The following CYRIB variants were observed in gnomAD, a reference collection of about 807,000 sequenced individuals.
CYRIB encodes the protein CYFIP related Rac1 interactor B.
Under a neutral mutation model 44.2 loss-of-function variants are expected in CYRIB, and 8 were observed. The observed-to-expected ratio is 0.18, with a 90% CI of 0.11 to 0.33. CYRIB has a LOEUF of 0.33. CYRIB is among the 10% of genes least tolerant of loss of function. The probability of loss-of-function intolerance (pLI) is 1.00; values close to 1 mark genes in which losing one functional copy is unlikely to be tolerated. For synonymous variants in CYRIB, 131 were observed against 127.2 expected (o/e 1.03, Z -0.20); for missense variants, 185 against 382.8 (o/e 0.48, Z 4.31).
exon 7 of CYRIB, chr8:129,854,327 A>G: frequency 6.2e-7 from 1 of 1,609,456 alleles, no homozygotes; most frequent in Non-Finnish European, 8.5e-7. Context: ...ATCATTCTGT[A>G]TGGCAGGATT....
intron 1 of CYRIB, among the ~76,000 whole-genome samples, chr8:129,937,881 T>TTC (rs35554242): frequency 0.016 from 2,386 of 147,618 alleles, 34 homozygotes; most frequent in South Asian, 0.056. Flanking sequence ...CAAATACACA[T>TTC]TCTCTCTCTC....
intron 1 of CYRIB, among the ~76,000 whole-genome samples, chr8:129,920,598 CAT>C (rs1434806203): frequency 6.6e-6 from 1 of 152,082 alleles, no homozygotes; most frequent in African/African-American, 2.4e-5. Flanking sequence ...AACAGACTTC[CAT>C]ATCATCAGTA....
chr8:129,957,157 T>A (rs996265107), intron 2 of CYRIB, among the ~76,000 whole-genome samples: 1 of 152,192 alleles, frequency 6.6e-6, no homozygotes, highest in African/African-American at 2.4e-5. Flanking sequence ...CCACTGTGCA[T>A]GGCCTAAGCC....
chr8:129,894,547 G>GGTTC, intron 2 of CYRIB: 1 of 152,266 alleles, frequency 6.6e-6, no homozygotes. Context: ...TTGCCAGCTG[G>GGTTC]GTTCCTGTTA....
At chr8:129,985,547 A>T (rs553166125) in intron 1 of CYRIB, among the ~76,000 whole-genome samples, 1 of 152,288 alleles carries the variant, frequency 6.6e-6, no homozygotes, top group African/African-American at 2.4e-5. Flanking sequence ...CAGAAATAGT[A>T]AATGAGAAGT....
chr8:129,873,744 AACAT>A (rs1304952692), intron 3 of CYRIB, among the ~76,000 whole-genome samples: 1 of 152,068 alleles, frequency 6.6e-6, no homozygotes, highest in Non-Finnish European at 1.5e-5. Flanking sequence ...ATACAAACGA[AACAT>A]TATCAAGTAG....
In CYRIB at chr8:129,927,275, G is replaced by A. The variant is rs1010904049; in HGVS notation, c.-50+12333C>T. 3.3e-5 allele frequency among the ~76,000 whole-genome samples: 5 copies of A among 152,214 alleles called. No individual in the cohort carries two copies. In the South Asian group the frequency reaches 8.3e-4, roughly 25 times the overall value. On this transcript the variant is annotated intron_variant, in intron 1 of 11. Coordinates refer to ENST00000519824, the Ensembl canonical transcript of CYRIB. ...CCACTGCACTCCAGCCTGGGCGACAGTGAGACTCTGTCTCCACAAGAAAAA... is the reference window on the plus strand; with the variant it reads ...CCACTGCACTCCAGCCTGGGCGACAATGAGACTCTGTCTCCACAAGAAAAA...
rs562617557 is a variant in CYRIB, at chr8:129,849,425, AACAC to A, written c.714-60_714-57del. 5.9e-6 allele frequency: 9 copies of A among 1,526,358 alleles called. No homozygotes were observed. The Admixed American group carries it at 6.4e-5, about 11-fold the overall frequency. The allele number at this position is 1,526,358 out of a possible 1,614,324, so 94.6% of individuals were successfully genotyped here. A position where few individuals can be genotyped will look rare whatever the true frequency, so the allele number is the denominator to read the frequency against. On this transcript the variant is annotated intron_variant, in intron 9 of 11. Transcript: ENST00000519824. ...AGTGCATTACAAAATTCTTTTTAAA[AACAC>A]ACACACACAAGAAAAACCTCTTCTG...
intron 1 of CYRIB, among the ~76,000 whole-genome samples, chr8:129,981,869 T>G (rs558366883): frequency 2.2e-4 from 33 of 152,296 alleles, no homozygotes; most frequent in African/African-American, 7.0e-4. Context: ...CCCCCGCTGG[T>G]CCACCCGACC....
chr8:129,889,778 C>CA (rs2064333777), intron 2 of CYRIB, among the ~76,000 whole-genome samples: 2 of 151,082 alleles, frequency 1.3e-5, no homozygotes, highest in Admixed American at 1.3e-4. Context: ...TATGGATAAT[C>CA]AAAGAAAATG....
At chr8:129,858,155 C>G (rs548467718) in intron 5 of CYRIB, among the ~76,000 whole-genome samples, 1 of 152,342 alleles carries the variant, frequency 6.6e-6, no homozygotes, top group South Asian at 2.1e-4. Context: ...TGCTCTGTCT[C>G]AAGAGAGAAA....
At chr8:129,839,736 T>C (rs553443944) in exon 12 of CYRIB, 1 of 152,328 alleles carries the variant, frequency 6.6e-6, no homozygotes, top group African/African-American at 2.4e-5. Flanking sequence ...AAACAGACGG[T>C]GAGTAAATTG....
intron 2 of CYRIB, among the ~76,000 whole-genome samples, chr8:129,887,248 A>G (rs1363643259): frequency 1.3e-5 from 2 of 152,126 alleles, no homozygotes; most frequent in Non-Finnish European, 2.9e-5. Context: ...AAACAGTCCT[A>G]GATTATGTCT....
At chr8:129,954,701 C>T (rs1004724179) in intron 2 of CYRIB, among the ~76,000 whole-genome samples, 2 of 152,142 alleles carry the variant, frequency 1.3e-5, no homozygotes, top group African/African-American at 4.8e-5. Flanking sequence ...CACGATCCCC[C>T]AGTCATGAAC....
chr8:129,862,093 C>A, intron 5 of CYRIB, 136 bp downstream of exon 7: 1 of 627,832 alleles, frequency 1.6e-6, no homozygotes, highest in Non-Finnish European at 2.8e-6. Flanking sequence ...ATCTTACAGT[C>A]TAACAAGCTT....
chr8:129,986,817 C>A (rs1024501995), intron 1 of CYRIB, among the ~76,000 whole-genome samples: 1 of 152,190 alleles, frequency 6.6e-6, no homozygotes. Context: ...ACGGACAAGA[C>A]ACCAGGCAAA....
At chr8:129,893,423 A>G (rs2066341805) in intron 2 of CYRIB, among the ~76,000 whole-genome samples, 1 of 152,236 alleles carries the variant, frequency 6.6e-6, no homozygotes, top group African/African-American at 2.4e-5. Context: ...CACAGAAAAA[A>G]GAATACCTAA....
intron 8 of CYRIB, 136 bp from the exon 11 acceptor site, chr8:129,851,050 A>C: frequency 1.6e-6 from 1 of 625,318 alleles, no homozygotes; most frequent in Non-Finnish European, 2.8e-6. Context: ...TAAATAATGC[A>C]CTAGACTCTA....
Position 129,854,388 on chromosome 8 carries a change from T to C in CYRIB, c.439-45A>G, listed in dbSNP as rs780166826. On this transcript the variant is annotated intron_variant, in intron 6 of 11. Transcript: ENST00000519824. ...AAAAAAAATGTTATGTACTAAATGCTAATGTAAAAAAACTAAGTAAAAAAT... is the reference window on the plus strand; with the variant it reads ...AAAAAAAATGTTATGTACTAAATGCCAATGTAAAAAAACTAAGTAAAAAAT... The C allele has an allele frequency of 1.1e-5, 15 of 1,387,988 alleles. No individual in the cohort carries two copies. The African/African-American group carries it at 2.0e-4, about 19-fold the overall frequency. The allele number at this position is 1,387,988 out of a possible 1,614,324, so 86.0% of individuals were successfully genotyped here.
Sources: allele counts gnomAD v4.1 joint callset (sites outside exome capture counted in the v4.1 genomes callset), GRCh38; gene constraint gnomAD v4.1.1; transcripts MANE v1.5; gene names NCBI Gene and HGNC (gene_info 2026-07-23, HGNC 2026-07-21).